GLIS1: variants seen among roughly 807,000 people sequenced by gnomAD.
The protein encoded by GLIS1 is GLIS family zinc finger 1.
In GLIS1, 24 loss-of-function variants were observed where a neutral mutation model predicts 63.8. The observed-to-expected ratio is 0.38, with a 90% CI of 0.27 to 0.53. GLIS1 has a LOEUF of 0.53. Among genes scored for constraint, GLIS1 ranks in the 20% least tolerant of loss-of-function variants. The pLI, the probability that GLIS1 is intolerant of heterozygous loss-of-function variation, is 0.85. For synonymous variants in GLIS1, 450 were observed against 482.5 expected (o/e 0.93, Z 0.88); for missense variants, 1,036 against 1,074.1 (o/e 0.96, Z 0.50).
At position 53,555,326 on chromosome 1, in the gene GLIS1, C is replaced by G. The variant is rs372140808; in HGVS notation, c.1321-25374G>C. On this transcript the variant is annotated intron_variant, in intron 4 of 10. Transcript: ENST00000628545. ...CGGGCGGATCACGAGGTCAGGAGAT[C>G]GAGACCATCCTGGCTAACACAGTGA... Among the ~76,000 whole-genome samples the G allele has an allele frequency of 1.6e-4, 24 of 152,192 alleles. No homozygotes were observed. In the South Asian group the frequency reaches 5.0e-3, roughly 32 times the overall value.
chr1:53,703,798 G>A (rs1026959400), intron 2 of GLIS1, among the ~76,000 whole-genome samples: 4 of 152,142 alleles, frequency 2.6e-5, no homozygotes, highest in Non-Finnish European at 4.4e-5. Context: ...CCAGAGGAAG[G>A]TGCTCAGAAT....
chr1:53,571,376 A>C (rs1223015902), intron 4 of GLIS1, among the ~76,000 whole-genome samples: 1 of 152,234 alleles, frequency 6.6e-6, no homozygotes, highest in Non-Finnish European at 1.5e-5. Context: ...TTCTAGGCAC[A>C]CATTCTAGTG....
At chr1:53,584,482 C>A (rs1645114686) in intron 4 of GLIS1, among the ~76,000 whole-genome samples, 1 of 152,178 alleles carries the variant, frequency 6.6e-6, no homozygotes, top group Non-Finnish European at 1.5e-5. Context: ...CTGAGGAAAT[C>A]CTTCTCCCTC....
In GLIS1 at chr1:53,543,226, A is replaced by AGTCCTCCCTCACGGGGAAGTG. The variant is rs561032431; in HGVS notation, c.1321-13295_1321-13275dup. ...CATAAGTGAAACAGAGAGCACTAGC[A>AGTCCTCCCTCACGGGGAAGTG]GTCCTCCCTCACGGGGAAGTGGTCC... On this transcript the variant is annotated intron_variant, in intron 4 of 10. Coordinates refer to ENST00000628545, the MANE Select transcript of GLIS1 (RefSeq NM_001367484.1). 5.2e-3 allele frequency among the ~76,000 whole-genome samples: 797 copies of AGTCCTCCCTCACGGGGAAGTG among 152,328 alleles called. 7 individuals are homozygous for AGTCCTCCCTCACGGGGAAGTG. Among genetic ancestry groups the AGTCCTCCCTCACGGGGAAGTG allele is most frequent in the African/African-American group, 0.018 (756 of 41,576 alleles).
At chr1:53,720,235 G>C (rs980407403) in intron 2 of GLIS1, among the ~76,000 whole-genome samples, 3 of 152,154 alleles carry the variant, frequency 2.0e-5, no homozygotes, top group African/African-American at 7.2e-5. Flanking sequence ...ATTCCCAATA[G>C]CCAAGAAGGA....
At chr1:53,669,937 C>T (rs1646134530) in intron 2 of GLIS1, among the ~76,000 whole-genome samples, 1 of 95,530 alleles carries the variant, frequency 1.0e-5, no homozygotes, top group African/African-American at 3.7e-5. Flanking sequence ...GCTTGCAGCC[C>T]AGCCAAGGCC....
intron 2 of GLIS1, among the ~76,000 whole-genome samples, chr1:53,666,364 T>C (rs1646091124): frequency 6.6e-6 from 1 of 152,222 alleles, no homozygotes; most frequent in Non-Finnish European, 1.5e-5. Flanking sequence ...CTGGTCTGGC[T>C]GACTCTGATG....
At chr1:53,677,648 C>A (rs971528504) in intron 2 of GLIS1, among the ~76,000 whole-genome samples, 1 of 152,272 alleles carries the variant, frequency 6.6e-6, no homozygotes, top group African/African-American at 2.4e-5. Flanking sequence ...GACCAGACGT[C>A]TCCCAGGGCC....
At chr1:53,670,697 T>C (rs554052171) in intron 2 of GLIS1, among the ~76,000 whole-genome samples, 2 of 152,352 alleles carry the variant, frequency 1.3e-5, no homozygotes, top group African/African-American at 4.8e-5. Flanking sequence ...AAACTCCCAG[T>C]GGAGAACTAA....
At chr1:53,725,209 C>T (rs1022370650) in intron 2 of GLIS1, among the ~76,000 whole-genome samples, 6 of 152,134 alleles carry the variant, frequency 3.9e-5, no homozygotes, top group Non-Finnish European at 7.4e-5. Context: ...CCACCAGAAT[C>T]GGCAACAGGT....
At chr1:53,720,447 T>C (rs1170243452) in intron 2 of GLIS1, among the ~76,000 whole-genome samples, 1 of 152,068 alleles carries the variant, frequency 6.6e-6, no homozygotes, top group Non-Finnish European at 1.5e-5. Flanking sequence ...GCTAAAAACA[T>C]TGTTCTCATG....
chr1:53,708,674 A>C (rs1024628849), intron 2 of GLIS1, among the ~76,000 whole-genome samples: 3 of 152,112 alleles, frequency 2.0e-5, no homozygotes, highest in Non-Finnish European at 4.4e-5. Context: ...AGGTTTCAGC[A>C]GGTCCCCCAG....
intron 2 of GLIS1, among the ~76,000 whole-genome samples, chr1:53,709,673 C>G (rs1646625920): frequency 6.6e-6 from 1 of 152,094 alleles, no homozygotes; most frequent in South Asian, 2.1e-4. Flanking sequence ...TTGATGGGCC[C>G]TCCTTAATGT....
intron 2 of GLIS1, among the ~76,000 whole-genome samples, chr1:53,628,076 AG>A (rs1645614144): frequency 1.3e-5 from 2 of 152,158 alleles, no homozygotes; most frequent in African/African-American, 4.8e-5. Context: ...TCCAGCCCTG[AG>A]GGGCCAGTCC....
rs556516269 is a variant in GLIS1 at position 53,600,257 on chromosome 1, C to A, written c.281G>T (p.Arg94Leu). Residue 94 changes from arginine (R) to leucine (L), a missense_variant, in exon 3 of 11, where the codon CGT (arginine) becomes CTT (leucine). Physicochemically the swap from Arg to Leu is moderately radical, Grantham distance 102 (BLOSUM62 -2). This residue lies in a region of GLIS1 where 592 missense variants were observed against 593.9 expected (regional missense o/e 1.00). Transcript: ENST00000628545. ...AGKVNGSYGH[R>L]TPGSEKSLLD... ...CAGGCTCTTCTCTGAGCCCGGGGTA[C>A]GGTGTCCGTAGCTCCCATTCACTAG... 8.1e-7 allele frequency: 1 copy of A among 1,231,988 alleles called. No individual in the cohort carries two copies. Among genetic ancestry groups the A allele is most frequent in the Non-Finnish European group, 1.0e-6 (1 of 987,866 alleles). The allele number at this position is 1,231,988 out of a possible 1,614,324, so 76.3% of individuals were successfully genotyped here.
intron 4 of GLIS1, among the ~76,000 whole-genome samples, chr1:53,549,310 T>C (rs1644736006): frequency 6.6e-6 from 1 of 152,254 alleles, no homozygotes; most frequent in African/African-American, 2.4e-5. Flanking sequence ...AGGAGAGACA[T>C]TGATGGATCA....
intron 2 of GLIS1, among the ~76,000 whole-genome samples, chr1:53,664,960 G>C (rs1447284630): frequency 6.6e-6 from 1 of 152,120 alleles, no homozygotes; most frequent in Non-Finnish European, 1.5e-5. Context: ...GGAGGGGGAG[G>C]GCAGTACAAA....
chr1:53,594,381 C>T lies in GLIS1; in HGVS notation c.1047G>A (p.Pro349=), dbSNP rs375635801. The stretch of plus-strand genomic sequence containing the variant: ...CCAGGCCTCCAAGGCTTGGGCCAGG[C>T]GGCAACTGAGACAGGGGATAGGGGG... The part of the protein sequence containing the change: ...LPPPYPLSQL[P]PGPSLGGLGL... Residue 349 remains proline (P), a synonymous_variant, in exon 4 of 11, where the codon CCG becomes CCA. Transcript: ENST00000628545. 31 of 1,611,310 alleles carry T rather than the reference C, an allele frequency of 1.9e-5. No homozygotes were observed. In the African/African-American group the frequency reaches 2.3e-4, roughly 12 times the overall value.
intron 7 of GLIS1, among the ~76,000 whole-genome samples, chr1:53,519,732 G>A (rs1219128270): frequency 6.6e-6 from 1 of 152,154 alleles, no homozygotes; most frequent in African/African-American, 2.4e-5. Context: ...GGGGCCCGCA[G>A]AGTCCCAGGG....
Sources: gnomAD v4.1 joint callset for allele counts (sites outside exome capture counted in the v4.1 genomes callset) on GRCh38, gnomAD v4.1.1 for gene constraint, gnomAD v4.1.1 regional missense constraint, MANE v1.5 for transcripts, NCBI Gene and HGNC (gene_info 2026-07-23, HGNC 2026-07-21) for gene names.